Variants in KIF26B observed in about 807,000 individuals in gnomAD.
KIF26B encodes kinesin family member 26B.
KIF26B carries 63 observed loss-of-function variants against 151.2 expected under a neutral mutation model. That is an observed-to-expected ratio of 0.42 (90% CI 0.34 to 0.51). The LOEUF (loss-of-function observed/expected upper bound fraction) is 0.51. Ranked by LOEUF, KIF26B falls within the 20% of genes least tolerant of loss-of-function variation. The probability of loss-of-function intolerance (pLI) is 0.07; values close to 1 mark genes in which losing one functional copy is unlikely to be tolerated. For synonymous variants in KIF26B, 1,357 were observed against 1,262.1 expected (o/e 1.08, Z -1.59); for missense variants, 2,813 against 2,913.6 (o/e 0.97, Z 0.79).
chr1:245,541,015 G>A (rs1274790971), intron 5 of KIF26B, 65 bp downstream of exon 5: 1 of 1,376,840 alleles, frequency 7.3e-7, no homozygotes, highest in African/African-American at 1.5e-5. Context: ...GTTTCAGGAG[G>A]AAGAAAATGA....
At chr1:245,302,988 CAAAAAAA>C (rs74163037) in intron 2 of KIF26B, among the ~76,000 whole-genome samples, 13 of 35,816 alleles carry the variant, frequency 3.6e-4, no homozygotes, top group Admixed American at 4.9e-4. Flanking sequence ...GACTCTGTCT[CAAAAAAA>C]AAAAAAAAAA....
intron 12 of KIF26B, among the ~76,000 whole-genome samples, chr1:245,694,638 G>A (rs751380961): frequency 1.2e-4 from 18 of 152,274 alleles, no homozygotes; most frequent in South Asian, 2.1e-4. Context: ...AGATGATACC[G>A]GAAGATGGAC....
At position 245,694,681 on chromosome 1, in the gene KIF26B, C is replaced by T. The variant is rs145017860; in HGVS notation, c.5825-3425C>T. Reference sequence around the variant, plus strand: ...GGCCAGCGACCCCTCTGACTGCACGCAGCTGTCAGCCAGGCCTGGAACAGG... The same window carrying T: ...GGCCAGCGACCCCTCTGACTGCACGTAGCTGTCAGCCAGGCCTGGAACAGG... On this transcript the variant is annotated intron_variant, in intron 12 of 14. Coordinates refer to ENST00000407071, the MANE Select transcript of KIF26B (RefSeq NM_018012.4). Among the ~76,000 whole-genome samples the T allele has an allele frequency of 6.1e-3, 933 of 152,282 alleles. 9 individuals are homozygous for T. Among genetic ancestry groups the T allele is most frequent in the African/African-American group, 0.021 (879 of 41,556 alleles).
At chr1:245,500,118 C>T (rs950139123) in intron 4 of KIF26B, among the ~76,000 whole-genome samples, 2 of 152,176 alleles carry the variant, frequency 1.3e-5, no homozygotes, top group African/African-American at 2.4e-5. Context: ...TGTCTAAGCC[C>T]CCAAGTGTAC....
intron 3 of KIF26B, among the ~76,000 whole-genome samples, chr1:245,416,296 A>AG (rs71757664): frequency 2.3e-5 from 3 of 131,590 alleles, no homozygotes; most frequent in Admixed American, 7.5e-5. Context: ...AAAAAAAAAA[A>AG]AAAGAATCAA....
At chr1:245,701,921 G>A (rs1343558505) in intron 14 of KIF26B, among the ~76,000 whole-genome samples, 1 of 152,180 alleles carries the variant, frequency 6.6e-6, no homozygotes, top group Non-Finnish European at 1.5e-5. Context: ...ATGCCAGAGG[G>A]GTTGATCCCA....
intron 9 of KIF26B, 49 bp downstream of exon 9, chr1:245,612,025 G>C (rs1277573815): frequency 6.4e-7 from 1 of 1,566,288 alleles, no homozygotes; most frequent in Admixed American, 1.7e-5. Flanking sequence ...TCTGGCCCCA[G>C]CCAGAAATCC....
intron 2 of KIF26B, among the ~76,000 whole-genome samples, chr1:245,246,968 C>T (rs1010614511): frequency 2.0e-5 from 3 of 151,544 alleles, no homozygotes; most frequent in Non-Finnish European, 4.4e-5. Flanking sequence ...CACACAGACA[C>T]AGACACACAC....
chr1:245,703,323 G>A lies in KIF26B; in HGVS notation c.*717G>A, dbSNP rs1230598996. On this transcript the variant is annotated 3_prime_UTR_variant, in exon 15 of 15. Transcript: ENST00000407071. Reference sequence around the variant, plus strand: ...AGCCAGTGTGTGTGTTTCCAAAGTAGGTTTGGAGCAGCAGGTGACCTCGAT... The same window carrying A: ...AGCCAGTGTGTGTGTTTCCAAAGTAAGTTTGGAGCAGCAGGTGACCTCGAT... 2 of 152,448 alleles carry A rather than the reference G, an allele frequency of 1.3e-5. No individual in the cohort carries two copies. The highest frequency in any genetic ancestry group is 6.5e-5 in the Admixed American group (1 of 15,284). 9.4% of individuals were successfully genotyped at this position (152,448 alleles called of 1,614,324 possible).
rs55638619 is a variant in KIF26B at position 245,244,756 on chromosome 1, TCA to T, written c.465+88108_465+88109del. Among the ~76,000 whole-genome samples the T allele has an allele frequency of 0.036, 5,236 of 144,410 alleles. 159 individuals carry two copies. Among genetic ancestry groups the T allele is most frequent in the African/African-American group, 0.085 (3,323 of 39,200 alleles). The allele number at this position is 144,410 out of a possible 152,430, so 94.7% of individuals were successfully genotyped here. A position where few individuals can be genotyped will look rare whatever the true frequency, so the allele number is the denominator to read the frequency against. On this transcript the variant is annotated intron_variant, in intron 2 of 14. Coordinates refer to ENST00000407071, the MANE Select transcript of KIF26B (RefSeq NM_018012.4). This position sits in a 1 kb window ranked among gnomAD's most constrained non-coding sequence, Gnocchi z 4.2. ...AGAAGGAACACACAGACACGCACAC[TCA>T]CACACACACACACACACACACACAC...
chr1:245,547,675 T>C (rs1661779012), intron 5 of KIF26B, among the ~76,000 whole-genome samples: 1 of 151,984 alleles, frequency 6.6e-6, no homozygotes, highest in South Asian at 2.1e-4. Context: ...TGTGTGGATA[T>C]CATTTTCTGT....
Position 245,155,124 on chromosome 1 carries a change from A to G in KIF26B, c.-301A>G, listed in dbSNP as rs925109886. The G allele has an allele frequency of 7.3e-5, 38 of 521,984 alleles. No homozygotes were observed. The highest frequency in any genetic ancestry group is 6.4e-4 in the African/African-American group (32 of 50,038). 32.3% of individuals were successfully genotyped at this position (521,984 alleles called of 1,614,324 possible). A position where few individuals can be genotyped will look rare whatever the true frequency, so the allele number is the denominator to read the frequency against. On this transcript the variant is annotated 5_prime_UTR_variant, in exon 1 of 15. Transcript: ENST00000407071. ...AGCACGGACTGACTTGGCTGAAGAA[A>G]ATGCCAGTTCTGTGGATGTGGCCGT...
chr1:245,636,860 T>TTGTGTGTGTG (rs34722448), intron 9 of KIF26B, among the ~76,000 whole-genome samples: 1,948 of 149,282 alleles, frequency 0.013, 37 homozygotes, highest in African/African-American at 0.045. Context: ...TAATATTCCA[T>TTGTGTGTGTG]TGTGTGTGTG....
intron 2 of KIF26B, among the ~76,000 whole-genome samples, chr1:245,294,372 G>A (rs988749865): frequency 6.6e-5 from 10 of 152,084 alleles, no homozygotes; most frequent in African/African-American, 1.7e-4. Context: ...GTTCCTCTGC[G>A]CAGTCCCATC....
chr1:245,607,065 T>TG (rs2043463031), intron 6 of KIF26B, among the ~76,000 whole-genome samples: 1 of 40,002 alleles, frequency 2.5e-5, no homozygotes, highest in Admixed American at 3.9e-4. Context: ...AAACTCCGTC[T>TG]CAAAAAAAAA....
intron 3 of KIF26B, among the ~76,000 whole-genome samples, chr1:245,411,488 G>C (rs1478882112): frequency 1.3e-5 from 2 of 152,164 alleles, no homozygotes; most frequent in African/African-American, 4.8e-5. Context: ...CATTTCATCT[G>C]TTTCTCTGCC....
At chr1:245,383,020 C>CAT (rs112799753) in intron 3 of KIF26B, among the ~76,000 whole-genome samples, 31 of 147,284 alleles carry the variant, frequency 2.1e-4, no homozygotes, top group South Asian at 6.3e-4. Context: ...CACACACACA[C>CAT]ATATATATAT....
At chr1:245,316,828 CTA>C (rs1487293836) in intron 2 of KIF26B, among the ~76,000 whole-genome samples, 1 of 109,690 alleles carries the variant, frequency 9.1e-6, no homozygotes, top group Non-Finnish European at 1.8e-5. Flanking sequence ...CAAACCAGAA[CTA>C]GTTCAAGGAC....
chr1:245,635,894 TG>T (rs1257622533), intron 9 of KIF26B, among the ~76,000 whole-genome samples: 1 of 152,174 alleles, frequency 6.6e-6, no homozygotes, highest in Non-Finnish European at 1.5e-5. Flanking sequence ...ATAGGCTGTT[TG>T]GGGCCAAGTT....
Sources: allele counts gnomAD v4.1 joint callset (sites outside exome capture counted in the v4.1 genomes callset), GRCh38; gene constraint gnomAD v4.1.1; non-coding constraint Gnocchi (gnomAD v3.1); transcripts MANE v1.5; gene names NCBI Gene and HGNC (gene_info 2026-07-23, HGNC 2026-07-21).